Variants in GALNT17 observed in about 807,000 individuals in gnomAD.
GALNT17 encodes the protein polypeptide N-acetylgalactosaminyltransferase 17, also known as UDP-GalNAc:polypeptide N-acetylgalactosaminyltransferase-like 3.
A neutral mutation model predicts 63.7 loss-of-function variants in GALNT17; 29 were observed. That is an observed-to-expected ratio of 0.46 (90% CI 0.34 to 0.62). The LOEUF is 0.62. Among genes scored for constraint, GALNT17 ranks in the 20% least tolerant of loss-of-function variants. GALNT17 has a pLI of 0.01. For missense variants in GALNT17, 603 were observed against 799.6 expected (o/e 0.75, Z 2.97); for synonymous variants, 305 against 318.3 (o/e 0.96, Z 0.45).
chr7:71,185,799 G>A (rs139827185), intron 1 of GALNT17, among the ~76,000 whole-genome samples: 4,219 of 152,234 alleles, frequency 0.028, 170 homozygotes, highest in East Asian at 0.11. Flanking sequence ...GAGCCACTGC[G>A]CCCGGCCCCC....
intron 6 of GALNT17, among the ~76,000 whole-genome samples, chr7:71,601,120 C>CATCATATATAT (rs546176034): frequency 6.6e-6 from 1 of 151,846 alleles, no homozygotes; most frequent in Non-Finnish European, 1.5e-5. Flanking sequence ...CGTAGTATTC[C>CATCATATATAT]ATCATATATA....
In GALNT17 at chr7:71,601,415, T is replaced by C. The variant is rs376625446; in HGVS notation, c.1080+30013T>C. On this transcript the variant is annotated intron_variant, in intron 6 of 10. Transcript: ENST00000333538. ...TTCCTTGGGGAGTGATTTGGTATAATGGATTAGTAGAGAGCAGGGGAGATA... is the reference window on the plus strand; with the variant it reads ...TTCCTTGGGGAGTGATTTGGTATAACGGATTAGTAGAGAGCAGGGGAGATA... Among the ~76,000 whole-genome samples the C allele has an allele frequency of 1.3e-3, 190 of 151,896 alleles. 2 individuals carry two copies. The highest frequency in any genetic ancestry group is 4.4e-3 in the African/African-American group (182 of 41,426).
intron 6 of GALNT17, among the ~76,000 whole-genome samples, chr7:71,615,892 G>A (rs1425748526): frequency 6.6e-6 from 1 of 152,164 alleles, no homozygotes; most frequent in African/African-American, 2.4e-5. Context: ...CAGGAGGAAA[G>A]GAAGGAGCTT....
Position 71,627,805 on chromosome 7 carries a change from C to A in GALNT17, c.1081-37606C>A, listed in dbSNP as rs565233644. ...CTATCAACTGCCAAGAACAATGCCC[C>A]CCCGCCCCATAGACTTGTACATCCC... is the stretch of plus-strand genomic sequence containing the variant. On this transcript the variant is annotated intron_variant, in intron 6 of 10. Transcript: ENST00000333538. 6.6e-4 allele frequency among the ~76,000 whole-genome samples: 101 copies of A among 152,242 alleles called. 1 individual carries two copies. The highest frequency in any genetic ancestry group is 2.4e-3 in the African/African-American group (99 of 41,540).
chr7:71,395,787 A>C (rs935739250), intron 3 of GALNT17, among the ~76,000 whole-genome samples: 4 of 152,284 alleles, frequency 2.6e-5, no homozygotes, highest in Admixed American at 2.6e-4. Context: ...AATTATGGCC[A>C]ATCTAGTGGA....
intron 1 of GALNT17, among the ~76,000 whole-genome samples, chr7:71,185,046 C>CCCCT (rs148184362): frequency 0.17 from 21,696 of 125,200 alleles, 4,118 homozygotes; most frequent in African/African-American, 0.51. Flanking sequence ...CTCTTCCTCC[C>CCCCT]CCTCCTCCTC....
intron 1 of GALNT17, among the ~76,000 whole-genome samples, chr7:71,143,627 G>T (rs1787958562): frequency 6.6e-6 from 1 of 152,160 alleles, no homozygotes; most frequent in African/African-American, 2.4e-5. Context: ...TCCTAGGTTG[G>T]TTTGGACTTA....
chr7:71,133,144 C>T (rs758868885), intron 1 of GALNT17, 104 bp downstream of exon 1: 229 of 1,056,608 alleles, frequency 2.2e-4, no homozygotes, highest in Non-Finnish European at 2.9e-4. Context: ...GGAGCCGGCA[C>T]ACCCTGGCTC....
chr7:71,501,967 C>T (rs191139428), intron 5 of GALNT17, among the ~76,000 whole-genome samples: 152 of 152,136 alleles, frequency 1.0e-3, no homozygotes, highest in African/African-American at 3.2e-3. Flanking sequence ...CTCCTAAGCC[C>T]GACCCTTCAG....
intron 6 of GALNT17, among the ~76,000 whole-genome samples, chr7:71,615,579 G>T (rs1790190152): frequency 6.7e-6 from 1 of 148,912 alleles, no homozygotes; most frequent in Non-Finnish European, 1.5e-5. Context: ...TGGGCTCAAA[G>T]GATTCTCCTG....
chr7:71,638,896 A>C (rs983235814), intron 6 of GALNT17, among the ~76,000 whole-genome samples: 1 of 152,152 alleles, frequency 6.6e-6, no homozygotes, highest in African/African-American at 2.4e-5. Context: ...AATTGAACAC[A>C]TGGACACAGA....
chr7:71,642,664 C>T (rs552625055), intron 6 of GALNT17, among the ~76,000 whole-genome samples: 3 of 152,066 alleles, frequency 2.0e-5, no homozygotes, highest in African/African-American at 7.2e-5. Context: ...GGTGAAATCC[C>T]GTCTCTACTA....
chr7:71,416,097 G>A (rs1275790257), intron 4 of GALNT17, 34 bp downstream of exon 4: 2 of 1,579,128 alleles, frequency 1.3e-6, no homozygotes, highest in Non-Finnish European at 1.7e-6. Context: ...GGGTGCTCAA[G>A]ACCTGCATTG....
intron 1 of GALNT17, among the ~76,000 whole-genome samples, chr7:71,235,725 G>C (rs1285394674): frequency 6.6e-6 from 1 of 152,182 alleles, no homozygotes; most frequent in Non-Finnish European, 1.5e-5. Context: ...ATTTAGTCTA[G>C]CCTGTGGCCT....
At chr7:71,549,326 G>A (rs1017524762) in intron 5 of GALNT17, among the ~76,000 whole-genome samples, 2 of 152,128 alleles carry the variant, frequency 1.3e-5, no homozygotes, top group Admixed American at 6.5e-5. Context: ...TAGCACTTTG[G>A]GAGGCCTAAG....
intron 6 of GALNT17, among the ~76,000 whole-genome samples, chr7:71,608,273 T>C (rs181952901): frequency 6.1e-4 from 93 of 152,222 alleles, no homozygotes; most frequent in African/African-American, 2.1e-3. Context: ...GCCAGTTTTG[T>C]TCTGAAATGC....
At chr7:71,584,498 C>T (rs1234784159) in intron 6 of GALNT17, among the ~76,000 whole-genome samples, 4 of 152,114 alleles carry the variant, frequency 2.6e-5, no homozygotes, top group Non-Finnish European at 5.9e-5. Context: ...CTCATTCCAT[C>T]TATAAATACT....
intron 1 of GALNT17, among the ~76,000 whole-genome samples, chr7:71,281,769 T>C (rs1407402943): frequency 6.6e-6 from 1 of 152,180 alleles, no homozygotes; most frequent in South Asian, 2.1e-4. Context: ...TTTCCAGATA[T>C]CAGAAAAATC....
Position 71,133,022 on chromosome 7 carries a change from G to A in GALNT17, c.220G>A (p.Val74Met). The change falls in exon 1 of 11, where the codon GTG becomes ATG. Residue 74 changes from valine (V) to methionine (M), a missense_variant. Physicochemically the swap from Val to Met is conservative, Grantham distance 21 (BLOSUM62 1). Around this residue, in one of 3 missense-constraint regions of GALNT17, gnomAD observed 195 missense variants for 215.0 expected, o/e 0.91. Transcript: ENST00000333538. Reference protein sequence around the residue: ...LKRLSLLEDIVYRQLNGLSKS... With the variant: ...LKRLSLLEDIMYRQLNGLSKS... ...GCGCCTGTCGCTGCTGGAGGACATC[G>A]TGTACCGGCAGCTGAATGGTAAGGA... 6.3e-7 allele frequency: 1 copy of A among 1,584,524 alleles called. No homozygotes were observed. The highest frequency in any genetic ancestry group is 8.6e-7 in the Non-Finnish European group (1 of 1,165,998).
Sources: gnomAD v4.1 joint callset for allele counts (sites outside exome capture counted in the v4.1 genomes callset) on GRCh38, gnomAD v4.1.1 for gene constraint, gnomAD v4.1.1 regional missense constraint, MANE v1.5 for transcripts, NCBI Gene and HGNC (gene_info 2026-07-23, HGNC 2026-07-21) for gene names.